MAD1L1: variants seen among roughly 807,000 people sequenced by gnomAD.
The protein encoded by MAD1L1 is mitotic spindle assembly checkpoint protein MAD1.
In MAD1L1, 95 loss-of-function variants were observed where a neutral mutation model predicts 96.9. The observed-to-expected ratio is 0.98, with a 90% CI of 0.83 to 1.16. MAD1L1 has a LOEUF of 1.16. Among genes scored for constraint, MAD1L1 ranks in the 50% most tolerant of loss-of-function variants. The pLI, the probability that MAD1L1 is intolerant of heterozygous loss-of-function variation, is 0.00. For missense variants in MAD1L1, 1,007 were observed against 954.4 expected (o/e 1.06, Z -0.73); for synonymous variants, 473 against 396.6 (o/e 1.19, Z -2.29).
At position 2,213,226 on chromosome 7, in the gene MAD1L1, C is replaced by G. The variant is rs1271401523; in HGVS notation, c.972G>C (p.Met324Ile). The G allele has an allele frequency of 6.2e-7, 1 of 1,614,090 alleles. No individual in the cohort carries two copies. The highest frequency in any genetic ancestry group is 2.2e-5 in the East Asian group (1 of 44,902). ...LQSWERLDQT[M>I]GLSIRTPEDL... ...CCCTTCCCTACCTGATGCTCAGGCC[C>G]ATGGTCTGGTCCAGTCTCTCCCAGC... The change falls in exon 10 of 19, where the codon ATG (methionine) becomes ATC (isoleucine). Residue 324 changes from methionine to isoleucine, a missense_variant. By Grantham distance (10) the Met-to-Ile change is conservative (BLOSUM62 1). Coordinates refer to ENST00000265854, the MANE Select transcript of MAD1L1 (RefSeq NM_001013836.2).
intron 10 of MAD1L1, among the ~76,000 whole-genome samples, chr7:2,151,625 C>G (rs549018262): frequency 1.3e-5 from 2 of 152,388 alleles, no homozygotes; most frequent in East Asian, 1.9e-4. Context: ...CCCCAAGGTA[C>G]GAACCCACCC....
At chr7:1,869,033 T>A (rs1373728059) in intron 18 of MAD1L1, among the ~76,000 whole-genome samples, 2 of 152,126 alleles carry the variant, frequency 1.3e-5, no homozygotes, top group Non-Finnish European at 2.9e-5. Flanking sequence ...CTCGGCAGGC[T>A]GGGGTGGGGC....
intron 10 of MAD1L1, among the ~76,000 whole-genome samples, chr7:2,156,164 GGCGCACGGTTTCACGGCGC>G: frequency 6.8e-6 from 1 of 147,522 alleles, no homozygotes; most frequent in Non-Finnish European, 1.5e-5. Context: ...GAGGGGAGCG[GGCGCACGGTTTCACGGCGC>G]GTGTGGCGAG....
chr7:2,190,670 T>C (rs561768298), intron 10 of MAD1L1, among the ~76,000 whole-genome samples: 5 of 152,278 alleles, frequency 3.3e-5, no homozygotes, highest in African/African-American at 1.2e-4. Context: ...CAAAAGAAGA[T>C]ATATGGCCGT....
At chr7:1,883,688 A>C (rs775413385) in intron 18 of MAD1L1, among the ~76,000 whole-genome samples, 2 of 152,228 alleles carry the variant, frequency 1.3e-5, no homozygotes, top group Non-Finnish European at 2.9e-5. Flanking sequence ...CGCGGGGTCC[A>C]AAGCCTGATT....
At chr7:2,175,408 C>T (rs1316482998) in intron 10 of MAD1L1, 1 of 150,626 alleles carries the variant, frequency 6.6e-6, no homozygotes, top group Non-Finnish European at 1.5e-5. Context: ...TCAGCTAAGT[C>T]CATCACCAAC....
chr7:2,055,877 G>A (rs1013625968), intron 12 of MAD1L1, among the ~76,000 whole-genome samples: 2 of 152,316 alleles, frequency 1.3e-5, no homozygotes, highest in Non-Finnish European at 2.9e-5. Context: ...TACTCGGGAG[G>A]CTGAGGCTGG....
chr7:2,155,439 T>C (rs1179230811), intron 10 of MAD1L1, among the ~76,000 whole-genome samples: 1 of 152,190 alleles, frequency 6.6e-6, no homozygotes, highest in Admixed American at 6.5e-5. Context: ...TTTGCAAAAC[T>C]GAAACCCTGT....
intron 12 of MAD1L1, among the ~76,000 whole-genome samples, chr7:2,027,954 T>A (rs1216918424): frequency 6.6e-6 from 1 of 152,158 alleles, no homozygotes; most frequent in Non-Finnish European, 1.5e-5. Context: ...GTCAATATAA[T>A]CTACAAATAA....
chr7:2,210,496 T>TGCGGCATGAGCACCAC (rs1562375348), intron 10 of MAD1L1, among the ~76,000 whole-genome samples: 2 of 74,646 alleles, frequency 2.7e-5, no homozygotes, highest in African/African-American at 6.9e-5. Flanking sequence ...TCCCGTGGAC[T>TGCGGCATGAGCACCAC]CTCTAGGAGC....
chr7:1,919,135 G>A (rs558623894), intron 17 of MAD1L1, among the ~76,000 whole-genome samples: 2 of 152,352 alleles, frequency 1.3e-5, no homozygotes, highest in African/African-American at 4.8e-5. Flanking sequence ...CCCTTGGTGC[G>A]GGGACAGACG....
At chr7:2,072,361 C>T (rs17132133) in intron 11 of MAD1L1, among the ~76,000 whole-genome samples, 5,670 of 152,304 alleles carry the variant, frequency 0.037, 305 homozygotes, top group East Asian at 0.17. Context: ...TCCCATCAGC[C>T]GCCTCGGAAA....
At chr7:1,909,218 G>A (rs961488190) in intron 17 of MAD1L1, among the ~76,000 whole-genome samples, 10 of 152,246 alleles carry the variant, frequency 6.6e-5, no homozygotes, top group South Asian at 6.2e-4. Context: ...TGCACGCTGC[G>A]GACACAGGAA....
At chr7:2,210,366 C>T (rs1792851080) in intron 10 of MAD1L1, among the ~76,000 whole-genome samples, 2 of 152,196 alleles carry the variant, frequency 1.3e-5, no homozygotes, top group African/African-American at 4.8e-5. Flanking sequence ...CCACTGTGCG[C>T]AGCCAGAAAT....
chr7:2,094,570 G>C (rs1015092332), intron 11 of MAD1L1, among the ~76,000 whole-genome samples: 3 of 152,250 alleles, frequency 2.0e-5, no homozygotes, highest in African/African-American at 7.2e-5. Context: ...GTGAAAGACA[G>C]GAAGGAAAGT....
At chr7:2,211,213 T>C (rs1238124004) in intron 10 of MAD1L1, among the ~76,000 whole-genome samples, 1 of 152,114 alleles carries the variant, frequency 6.6e-6, no homozygotes, top group Non-Finnish European at 1.5e-5. Context: ...ATCCAGGGCC[T>C]GGCCACCAGG....
intron 11 of MAD1L1, among the ~76,000 whole-genome samples, chr7:2,145,166 G>A (rs978428902): frequency 1.3e-5 from 2 of 152,170 alleles, no homozygotes; most frequent in East Asian, 3.8e-4. Context: ...CCACGTCCCG[G>A]GGACTGCCGA....
At chr7:2,139,720 G>A (rs911310421) in intron 11 of MAD1L1, among the ~76,000 whole-genome samples, 13 of 152,200 alleles carry the variant, frequency 8.5e-5, no homozygotes, top group Non-Finnish European at 1.3e-4. Context: ...GCAGACCCCC[G>A]TCCAGATGGC....
intron 11 of MAD1L1, among the ~76,000 whole-genome samples, chr7:2,113,735 G>A (rs930228438): frequency 1.3e-5 from 2 of 152,118 alleles, no homozygotes; most frequent in East Asian, 3.9e-4. Flanking sequence ...TGGTGATGTC[G>A]CACACCCCGA....
Sources: gnomAD v4.1 joint callset for allele counts (sites outside exome capture counted in the v4.1 genomes callset) on GRCh38, gnomAD v4.1.1 for gene constraint, MANE v1.5 for transcripts, NCBI Gene and HGNC (gene_info 2026-07-23, HGNC 2026-07-21) for gene names.